AXIN2: variants seen among roughly 807,000 people sequenced by gnomAD.
AXIN2 encodes axin-2.
In AXIN2, 21 loss-of-function variants were observed where a neutral mutation model predicts 74.7. The observed-to-expected ratio is 0.28, with a 90% CI of 0.20 to 0.40. AXIN2 has a LOEUF of 0.40. Among genes scored for constraint, AXIN2 ranks in the 10% least tolerant of loss-of-function variants. The pLI, the probability that AXIN2 is intolerant of heterozygous loss-of-function variation, is 1.00. For missense variants in AXIN2, 1,144 were observed against 1,111.1 expected (o/e 1.03, Z -0.42); for synonymous variants, 532 against 454.9 (o/e 1.17, Z -2.16).
Position 65,540,780 on chromosome 17 carries a change from T to C in AXIN2, c.1059+675A>G, listed in dbSNP as rs150532469. On this transcript the variant is annotated intron_variant, in intron 4 of 10. Coordinates refer to ENST00000307078, the MANE Select transcript of AXIN2 (RefSeq NM_004655.4). ...GTTACAAACTGGCTCTCCTTCCCCT[T>C]GCGCATCATGATTGAAAGCTCCCTG... Among the ~76,000 whole-genome samples, 1,282 of 152,308 alleles carry C rather than the reference T, an allele frequency of 8.4e-3. 13 individuals carry two copies. Among genetic ancestry groups the C allele is most frequent in the Non-Finnish European group, 9.9e-3 (670 of 68,016 alleles).
In AXIN2 at chr17:65,558,728, A is replaced by G; in HGVS notation, c.-108T>C. On this transcript the variant is annotated 5_prime_UTR_variant, in exon 2 of 11. Transcript: ENST00000307078. Reference sequence around the variant, plus strand: ...CTCAAGTCAGCAGGGGCTCATCTGAACCTCCTCTCTGGAAAGAAAAGGAAG... The same window carrying G: ...CTCAAGTCAGCAGGGGCTCATCTGAGCCTCCTCTCTGGAAAGAAAAGGAAG... 8.7e-7 allele frequency: 1 copy of G among 1,144,792 alleles called. No individual in the cohort carries two copies. The highest frequency in any genetic ancestry group is 1.3e-6 in the Non-Finnish European group (1 of 791,788). The allele number at this position is 1,144,792 out of a possible 1,614,324, so 70.9% of individuals were successfully genotyped here.
At chr17:65,552,043 T>A (rs2044201293) in intron 2 of AXIN2, among the ~76,000 whole-genome samples, 1 of 152,168 alleles carries the variant, frequency 6.6e-6, no homozygotes, top group African/African-American at 2.4e-5. Context: ...CCTGGGATTT[T>A]TTTGGTGAAA....
chr17:65,554,204 C>T (rs1425666012), intron 2 of AXIN2, among the ~76,000 whole-genome samples: 1 of 152,204 alleles, frequency 6.6e-6, no homozygotes, highest in African/African-American at 2.4e-5. Context: ...CAGAACTGAC[C>T]TGACAGAACT....
rs780797394 is a variant in AXIN2 at position 65,549,531 on chromosome 17, C to T, written c.945G>A (p.Thr315=). 18 of 1,612,438 alleles carry T rather than the reference C, an allele frequency of 1.1e-5. No homozygotes were observed. The highest frequency in any genetic ancestry group is 8.4e-5 in the Admixed American group (5 of 59,820). ...DALTDDSMSM[T]DSSVDGIPPY... is the part of the protein sequence containing the mutation. ...GCCAGGATACTCACACACTGCTGTCCGTCATGGACATGGAATCATCCGTCA... is the reference window on the plus strand; with the variant it reads ...GCCAGGATACTCACACACTGCTGTCTGTCATGGACATGGAATCATCCGTCA... The change falls in exon 3 of 11, where the codon ACG becomes ACA. Residue 315 remains threonine (T), a synonymous_variant. Coordinates refer to ENST00000307078, the MANE Select transcript of AXIN2 (RefSeq NM_004655.4).
At chr17:65,554,965 T>C (rs1288385430) in intron 2 of AXIN2, among the ~76,000 whole-genome samples, 1 of 152,180 alleles carries the variant, frequency 6.6e-6, no homozygotes, top group Non-Finnish European at 1.5e-5. Context: ...TACCAACAAG[T>C]TGCTTTTGCT....
chr17:65,532,523 C>A (rs66537263), intron 10 of AXIN2, among the ~76,000 whole-genome samples: 1 of 152,158 alleles, frequency 6.6e-6, no homozygotes, highest in Non-Finnish European at 1.5e-5. Flanking sequence ...CCCAGCAACA[C>A]GCCCTGCTGG....
chr17:65,559,103 G>T (rs562162529), intron 1 of AXIN2, among the ~76,000 whole-genome samples: 2 of 151,960 alleles, frequency 1.3e-5, no homozygotes, highest in Non-Finnish European at 2.9e-5. Flanking sequence ...CCCGCGCCTC[G>T]CCTTCCCTCC....
intron 1 of AXIN2, chr17:65,560,514 T>A (rs2044350847): frequency 6.6e-6 from 1 of 151,656 alleles, no homozygotes; most frequent in Non-Finnish European, 1.5e-5. Context: ...CCGACTCACA[T>A]CCATAACCGC....
At chr17:65,541,424 C>T (rs1355775818) in intron 4 of AXIN2, 31 bp downstream of exon 4, 1 of 1,575,312 alleles carries the variant, frequency 6.3e-7, no homozygotes, top group East Asian at 2.2e-5. Flanking sequence ...TGGCAGAAAA[C>T]AGCTGTCTCC....
intron 4 of AXIN2, among the ~76,000 whole-genome samples, chr17:65,538,577 C>T (rs990634803): frequency 1.4e-5 from 2 of 148,076 alleles, no homozygotes; most frequent in Non-Finnish European, 3.0e-5. Context: ...GGTCGCACTC[C>T]GAGAGGCCCT....
intron 10 of AXIN2, among the ~76,000 whole-genome samples, chr17:65,531,023 C>T (rs1026982509): frequency 6.6e-6 from 1 of 152,174 alleles, no homozygotes; most frequent in Non-Finnish European, 1.5e-5. Context: ...CTTCCCTGTC[C>T]CCAGCCAAGG....
chr17:65,547,146 G>A (rs2044129934), intron 3 of AXIN2, among the ~76,000 whole-genome samples: 1 of 152,224 alleles, frequency 6.6e-6, no homozygotes, highest in Non-Finnish European at 1.5e-5. Flanking sequence ...CTTCTGGGAA[G>A]GGGATAAAAG....
At position 65,536,435 on chromosome 17, in the gene AXIN2, C is replaced by G. The variant is rs1424100499; in HGVS notation, c.2026G>C (p.Ala676Pro). 2.5e-6 allele frequency: 4 copies of G among 1,613,392 alleles called. No individual in the cohort carries two copies. The highest frequency in any genetic ancestry group is 2.5e-6 in the Non-Finnish European group (3 of 1,179,982). ...GCAGGGTCCTGGGTGAACAGGTGGG[C>G]ACGGGGGGTGGTGCGGGGGTGCCCG... ...NSGHPRTTPR[A>P]HLFTQDPAMP... is the part of the protein sequence containing the mutation. Residue 676 changes from alanine to proline, a missense_variant, in exon 8 of 11, where the codon GCC becomes CCC. This residue lies in a region of AXIN2 where 1,053 missense variants were observed against 973.5 expected (regional missense o/e 1.08). Coordinates refer to ENST00000307078, the MANE Select transcript of AXIN2 (RefSeq NM_004655.4).
chr17:65,554,910 C>CTGTGCGTGTGTGTGTCTG (rs1274637575), intron 2 of AXIN2, among the ~76,000 whole-genome samples: 42 of 152,214 alleles, frequency 2.8e-4, no homozygotes, highest in Non-Finnish European at 5.9e-4. Flanking sequence ...CACCTCGACA[C>CTGTGCGTGTGTGTGTCTG]TGTGCGTGTG....
At position 65,557,801 on chromosome 17, in the gene AXIN2, C is replaced by CT. The variant is rs745726935; in HGVS notation, c.815+4dup. ...TCAGCCCACCCGCCCCCGTCAAAGT[C>CT]TTACCTGTATCCACTGTCAACAGTT... On this transcript the variant is annotated splice_donor_region_variant and intron_variant, in intron 2 of 10. Coordinates refer to ENST00000307078, the MANE Select transcript of AXIN2 (RefSeq NM_004655.4). 131 of 1,614,072 alleles carry CT rather than the reference C, an allele frequency of 8.1e-5. No homozygotes were observed. Among genetic ancestry groups the CT allele is most frequent in the Non-Finnish European group, 1.1e-4 (127 of 1,180,020 alleles).
chr17:65,538,117 C>A lies in AXIN2; in HGVS notation c.1200+86G>T, dbSNP rs779387017. On this transcript the variant is annotated intron_variant, in intron 5 of 10. Coordinates refer to ENST00000307078, the MANE Select transcript of AXIN2 (RefSeq NM_004655.4). ...CATGCAACCCACGCACATGCGCACACCCTAACGCACCCCATGCACATGCGC... is the reference window on the plus strand; with the variant it reads ...CATGCAACCCACGCACATGCGCACAACCTAACGCACCCCATGCACATGCGC... 3.8e-6 allele frequency: 6 copies of A among 1,599,244 alleles called. No homozygotes were observed. The African/African-American group carries it at 5.4e-5, about 15-fold the overall frequency.
At chr17:65,544,879 T>C (rs2044095959) in intron 3 of AXIN2, among the ~76,000 whole-genome samples, 1 of 152,192 alleles carries the variant, frequency 6.6e-6, no homozygotes. Flanking sequence ...AGCAGACTCA[T>C]GCACACATGC....
At chr17:65,546,216 G>A (rs547354898) in intron 3 of AXIN2, among the ~76,000 whole-genome samples, 1 of 152,146 alleles carries the variant, frequency 6.6e-6, no homozygotes, top group African/African-American at 2.4e-5. Flanking sequence ...ATTTCAAAGG[G>A]GCCTGCTACC....
chr17:65,557,785 C>A (rs750733574), intron 2 of AXIN2, 21 bp downstream of exon 2: 2 of 1,612,832 alleles, frequency 1.2e-6, no homozygotes, highest in South Asian at 2.2e-5. Flanking sequence ...ATCAGCCCAC[C>A]CGCCCCCGTC....
Sources: gnomAD v4.1 joint callset for allele counts (sites outside exome capture counted in the v4.1 genomes callset) on GRCh38, gnomAD v4.1.1 for gene constraint, gnomAD v4.1.1 regional missense constraint, MANE v1.5 for transcripts, NCBI Gene and HGNC (gene_info 2026-07-23, HGNC 2026-07-21) for gene names.